The following ZNF804B variants were observed in gnomAD, a reference collection of about 807,000 sequenced individuals.
The protein encoded by ZNF804B is zinc finger protein 804B, also known as zinc finger 804B.
In ZNF804B, 80 loss-of-function variants were observed where a neutral mutation model predicts 101.4. The observed-to-expected ratio is 0.79, with a 90% CI of 0.66 to 0.95. The LOEUF is 0.95. ZNF804B is among the 40% of genes least tolerant of loss of function. ZNF804B has a pLI of 0.00. For missense variants in ZNF804B, 1,673 were observed against 1,561.9 expected (o/e 1.07, Z -1.20); for synonymous variants, 622 against 558.8 (o/e 1.11, Z -1.59).
intron 1 of ZNF804B, among the ~76,000 whole-genome samples, chr7:88,894,492 G>A (rs751198044): frequency 5.9e-5 from 9 of 152,098 alleles, no homozygotes; most frequent in African/African-American, 9.7e-5. Context: ...GATTACAGAT[G>A]TGAGCCACCG....
intron 2 of ZNF804B, among the ~76,000 whole-genome samples, chr7:89,278,641 G>C (rs1790028664): frequency 6.6e-6 from 1 of 151,546 alleles, no homozygotes; most frequent in Admixed American, 6.6e-5. Context: ...TCTCAGGTTT[G>C]TCAAAGATCA....
intron 2 of ZNF804B, among the ~76,000 whole-genome samples, chr7:89,276,926 C>A: frequency 6.6e-6 from 1 of 151,462 alleles, no homozygotes; most frequent in East Asian, 1.9e-4. Context: ...TTTTTCCCTC[C>A]TTCTGAAAAA....
At chr7:89,247,120 A>G (rs1789461477) in intron 2 of ZNF804B, among the ~76,000 whole-genome samples, 1 of 152,192 alleles carries the variant, frequency 6.6e-6, no homozygotes, top group African/African-American at 2.4e-5. Context: ...CTCAGGGCTG[A>G]GGAGATTTCC....
intron 1 of ZNF804B, among the ~76,000 whole-genome samples, chr7:89,169,236 C>T (rs1304878249): frequency 2.0e-5 from 3 of 152,040 alleles, no homozygotes; most frequent in African/African-American, 7.2e-5. Context: ...GGAACAAACA[C>T]GGACCTGAAC....
rs867882929 is a variant in ZNF804B, at chr7:89,220,049, A to G, written c.249+1754A>G. 1.4e-4 allele frequency among the ~76,000 whole-genome samples: 14 copies of G among 101,898 alleles called. 4 individuals are homozygous for G. Among genetic ancestry groups the G allele is most frequent in the African/African-American group, 4.2e-4 (10 of 23,530 alleles). The allele number at this position is 101,898 out of a possible 152,430, so 66.8% of individuals were successfully genotyped here. A position where few individuals can be genotyped will look rare whatever the true frequency, so the allele number is the denominator to read the frequency against. On this transcript the variant is annotated intron_variant, in intron 2 of 3. Coordinates refer to ENST00000333190, the MANE Select transcript of ZNF804B (RefSeq NM_181646.5). ...TATATATACGCACATATATGTGCAT[A>G]TATACATATATACGCACATATATGT...
intron 1 of ZNF804B, among the ~76,000 whole-genome samples, chr7:89,166,016 T>C (rs929011630): frequency 8.5e-5 from 13 of 152,182 alleles, no homozygotes; most frequent in Non-Finnish European, 1.8e-4. Flanking sequence ...TACTGGTGGC[T>C]ATTTTCTGTT....
chr7:89,006,379 C>T (rs1788369318), intron 1 of ZNF804B, among the ~76,000 whole-genome samples: 1 of 151,986 alleles, frequency 6.6e-6, no homozygotes, highest in Non-Finnish European at 1.5e-5. Flanking sequence ...TAAAACACCT[C>T]ATATTTTATC....
chr7:88,815,498 T>C lies in ZNF804B; in HGVS notation c.108+55414T>C, dbSNP rs377251061. Among the ~76,000 whole-genome samples, 4 of 150,864 alleles carry C rather than the reference T, an allele frequency of 2.7e-5. No homozygotes were observed. In the East Asian group the frequency reaches 7.7e-4, roughly 29 times the overall value. On this transcript the variant is annotated intron_variant, in intron 1 of 3. Coordinates refer to ENST00000333190, the MANE Select transcript of ZNF804B (RefSeq NM_181646.5). The stretch of plus-strand genomic sequence containing the variant: ...GAATATATTATATATATTATTATTA[T>C]GATATATAATGTCCCTTGTATGTAA...
At chr7:89,188,607 A>C (rs905367694) in intron 1 of ZNF804B, among the ~76,000 whole-genome samples, 6 of 152,176 alleles carry the variant, frequency 3.9e-5, no homozygotes, top group Non-Finnish European at 7.4e-5. Context: ...TCTGAATGCA[A>C]AGGAAAAGTT....
At chr7:89,092,331 C>T (rs905087291) in intron 1 of ZNF804B, among the ~76,000 whole-genome samples, 1 of 151,340 alleles carries the variant, frequency 6.6e-6, no homozygotes, top group African/African-American at 2.4e-5. Context: ...TGGGGGAACA[C>T]ACATTCAGAC....
intron 3 of ZNF804B, among the ~76,000 whole-genome samples, chr7:89,332,283 T>C (rs1790997137): frequency 6.6e-6 from 1 of 151,816 alleles, no homozygotes; most frequent in Non-Finnish European, 1.5e-5. Context: ...AACAAGAATT[T>C]GTTAGACAAG....
intron 1 of ZNF804B, among the ~76,000 whole-genome samples, chr7:89,044,899 C>T (rs1217717236): frequency 6.6e-6 from 1 of 152,234 alleles, no homozygotes; most frequent in Non-Finnish European, 1.5e-5. Context: ...GCATAAGTAA[C>T]AAGGAGCCGA....
At chr7:89,059,247 G>T (rs989275195) in intron 1 of ZNF804B, among the ~76,000 whole-genome samples, 1 of 152,102 alleles carries the variant, frequency 6.6e-6, no homozygotes, top group African/African-American at 2.4e-5. Flanking sequence ...GCATTAGTCT[G>T]TTCTTTCATT....
intron 2 of ZNF804B, among the ~76,000 whole-genome samples, chr7:89,266,226 T>C (rs527786189): frequency 6.6e-6 from 1 of 152,318 alleles, no homozygotes; most frequent in African/African-American, 2.4e-5. Flanking sequence ...GCTGTTGCTA[T>C]TTCTGATATT....
chr7:89,276,096 T>C (rs1333284794), intron 2 of ZNF804B, among the ~76,000 whole-genome samples: 1 of 151,684 alleles, frequency 6.6e-6, no homozygotes, highest in Non-Finnish European at 1.5e-5. Flanking sequence ...TATATTTTCA[T>C]GTATAAGTGG....
chr7:88,927,360 T>C (rs1374557017), intron 1 of ZNF804B, among the ~76,000 whole-genome samples: 5 of 152,182 alleles, frequency 3.3e-5, no homozygotes, highest in Non-Finnish European at 7.3e-5. Flanking sequence ...ACACTTGAAA[T>C]AGCAAACAAT....
At chr7:89,276,446 G>A (rs1360079767) in intron 2 of ZNF804B, among the ~76,000 whole-genome samples, 4 of 151,786 alleles carry the variant, frequency 2.6e-5, no homozygotes, top group African/African-American at 9.7e-5. Flanking sequence ...ACTATACTTT[G>A]TTTTATAAGG....
chr7:89,281,645 G>A (rs376758668), intron 2 of ZNF804B, among the ~76,000 whole-genome samples: 2 of 152,114 alleles, frequency 1.3e-5, no homozygotes, highest in African/African-American at 4.8e-5. Context: ...ACAACAAAAA[G>A]TGCCATGGCA....
chr7:89,280,850 T>A (rs1410584975), intron 2 of ZNF804B, among the ~76,000 whole-genome samples: 1 of 152,214 alleles, frequency 6.6e-6, no homozygotes. Context: ...GTACCATTCC[T>A]TCTGAAACTA....
Sources: allele counts gnomAD v4.1 joint callset (sites outside exome capture counted in the v4.1 genomes callset), GRCh38; gene constraint gnomAD v4.1.1; transcripts MANE v1.5; gene names NCBI Gene and HGNC (gene_info 2026-07-23, HGNC 2026-07-21).